INTS1: variants seen among roughly 807,000 people sequenced by gnomAD.
INTS1 encodes the protein integrator complex subunit 1.
Under a neutral mutation model 241.6 loss-of-function variants are expected in INTS1, and 137 were observed. The observed-to-expected ratio is 0.57, with a 90% CI of 0.49 to 0.65. INTS1 has a LOEUF of 0.65. Ranked by LOEUF, INTS1 falls within the 30% of genes least tolerant of loss-of-function variation. The pLI is 0.00. For synonymous variants in INTS1, 1,692 were observed against 1,337.8 expected, an observed-to-expected ratio of 1.26 and a Z score of -5.78; for missense variants, 3,073 against 3,032.2, an observed-to-expected ratio of 1.01 and a Z score of -0.32.
intron 26 of INTS1, 113 bp downstream of exon 26, chr7:1,483,629 C>A (rs998606359): frequency 2.5e-6 from 2 of 797,858 alleles, no homozygotes; most frequent in Admixed American, 3.9e-5. Flanking sequence ...GGTTGAAGGG[C>A]TGGGGGGCTT....
rs759733963 is a variant in INTS1 at position 1,498,487 on chromosome 7, G to A, written c.1350C>T (p.Leu450=). 3.1e-6 allele frequency: 5 copies of A among 1,613,848 alleles called. No homozygotes were observed. The highest frequency in any genetic ancestry group is 2.7e-5 in the African/African-American group (2 of 74,930). ...TGTTGTTCGGGTTCCGGGCGCTGGA[G>A]AGCTCATTGAAGATCACCAACTTGA... ...TTIKLVIFNE[L]SSARNPNNMQ... is the part of the protein sequence containing the mutation. Residue 450 remains leucine (L), a synonymous_variant, in exon 10 of 48, where the codon CTC becomes CTT. Transcript: ENST00000404767.
At chr7:1,498,653 C>T (rs1372148733) in intron 9 of INTS1, 54 bp downstream of exon 9, 28 of 1,533,120 alleles carry the variant, frequency 1.8e-5, no homozygotes, top group Non-Finnish European at 2.4e-5. Flanking sequence ...CCCACACCCC[C>T]ACCCACACCC....
In INTS1 at chr7:1,476,872, G is replaced by A; in HGVS notation, c.4985C>T (p.Thr1662Ile). ...CCAGCTGGACTGATGCGTGAAGAGG[G>A]TCAGGAGGTAGGGACGGAACGAGGG... ...QVPSFRPYLL[T>I]LFTHQSSWPT... The change falls in exon 36 of 48, where the codon ACC becomes ATC. Residue 1662 changes from threonine to isoleucine, a missense_variant. Physicochemically the swap from Thr to Ile is moderately conservative, Grantham distance 89 (BLOSUM62 -1). Coordinates refer to ENST00000404767, the MANE Select transcript of INTS1 (RefSeq NM_001080453.3). 6.2e-7 allele frequency: 1 copy of A among 1,612,890 alleles called. No individual in the cohort carries two copies.
rs1782768479 is a variant in INTS1, at chr7:1,494,880, G to C, written c.1846C>G (p.Leu616Val). ...TAGGTCTCCGGCTGCTCTGTGAACA[G>C]CACCTTGTGCAGGCTGGGCAGGCAG... ...KDYVHCLHKVLFTEQPETYYK... is the reference protein window; with the variant it reads ...KDYVHCLHKVVFTEQPETYYK... The change falls in exon 14 of 48, where the codon CTG (leucine) becomes GTG (valine). Residue 616 changes from leucine (L) to valine (V), a missense_variant. By Grantham distance (32) the Leu-to-Val change is conservative (BLOSUM62 1). Coordinates refer to ENST00000404767, the MANE Select transcript of INTS1 (RefSeq NM_001080453.3). The C allele has an allele frequency of 1.9e-6, 3 of 1,563,054 alleles. No homozygotes were observed. The highest frequency in any genetic ancestry group is 2.6e-6 in the Non-Finnish European group (3 of 1,154,284).
At chr7:1,479,198 C>T (rs942564900) in intron 31 of INTS1, among the ~76,000 whole-genome samples, 1 of 152,260 alleles carries the variant, frequency 6.6e-6, no homozygotes, top group African/African-American at 2.4e-5. Flanking sequence ...GCAGGAGCGC[C>T]GAGCCTGGGT....
In INTS1 at chr7:1,478,783, G is replaced by C; in HGVS notation, c.4432C>G (p.Arg1478Gly). 1.2e-6 allele frequency: 2 copies of C among 1,602,880 alleles called. No individual in the cohort carries two copies. Among genetic ancestry groups the C allele is most frequent in the Non-Finnish European group, 8.5e-7 (1 of 1,175,738 alleles). Reference protein sequence around the residue: ...DSPGVEGGPLRAQLRMLASQA... With the variant: ...DSPGVEGGPLGAQLRMLASQA... ...CTGGCAAGCATCCTGAGCTGTGCCC[G>C]CAGGGGCCCGCCCTCCACGCCAGGG... is the stretch of plus-strand genomic sequence containing the variant. Residue 1478 changes from arginine to glycine, a missense_variant, in exon 32 of 48, where the codon CGG becomes GGG. Physicochemically the swap from Arg to Gly is moderately radical, Grantham distance 125 (BLOSUM62 -2). Coordinates refer to ENST00000404767, the MANE Select transcript of INTS1 (RefSeq NM_001080453.3).
At position 1,470,827 on chromosome 7, in the gene INTS1, G is replaced by A. The variant is rs1157356764; in HGVS notation, c.6457+19C>T. 2 of 1,558,682 alleles carry A rather than the reference G, an allele frequency of 1.3e-6. No homozygotes were observed. The highest frequency in any genetic ancestry group is 2.7e-5 in the African/African-American group (2 of 73,376). On this transcript the variant is annotated intron_variant, in intron 47 of 47. Coordinates refer to ENST00000404767, the MANE Select transcript of INTS1 (RefSeq NM_001080453.3). ...TCCCCGAGGGCTGCCAGGGCCCTGG[G>A]CGGGGGGCCAGTCCTCACCTTGGCA...
In INTS1 at chr7:1,473,067, C is replaced by T. The variant is rs766858731; in HGVS notation, c.6070+5G>A. ...CTTCCAGCAGCCCCTGGCAGCCCCA[C>T]TCACCCTCGCCCTCTTCGTCCAGGC... On this transcript the variant is annotated splice_donor_5th_base_variant and intron_variant, in intron 43 of 47. Coordinates refer to ENST00000404767, the MANE Select transcript of INTS1 (RefSeq NM_001080453.3). 1.3e-6 allele frequency: 2 copies of T among 1,583,910 alleles called. No homozygotes were observed. The highest frequency in any genetic ancestry group is 1.7e-6 in the Non-Finnish European group (2 of 1,160,546).
At chr7:1,473,789 C>T (rs1178461844) in intron 41 of INTS1, 96 bp from the exon 42 acceptor site, 2 of 1,483,872 alleles carry the variant, frequency 1.3e-6, no homozygotes, top group African/African-American at 2.8e-5. Context: ...AGGGCATGGA[C>T]CCCACAGCCA....
At position 1,486,980 on chromosome 7, in the gene INTS1, G is replaced by T; in HGVS notation, c.2768C>A (p.Ala923Asp). The T allele has an allele frequency of 6.2e-7, 1 of 1,608,398 alleles. No homozygotes were observed. Residue 923 changes from alanine to aspartate, a missense_variant, in exon 21 of 48, where the codon GCT becomes GAT. By Grantham distance (126) the Ala-to-Asp change is moderately radical (BLOSUM62 -2). Coordinates refer to ENST00000404767, the MANE Select transcript of INTS1 (RefSeq NM_001080453.3). The stretch of plus-strand genomic sequence containing the variant: ...GCCCTCGTCGTCCTCCTCCCCGGAA[G>T]CAGCATCGTCCACAGCATCGTGCAG... ...FLLHDAVDDA[A>D]SGEEDDEGES...
intron 16 of INTS1, among the ~76,000 whole-genome samples, chr7:1,492,742 T>A (rs1402476590): frequency 2.0e-5 from 3 of 152,136 alleles, no homozygotes; most frequent in Non-Finnish European, 4.4e-5. Context: ...ACGGTTGGAC[T>A]CGGGCCGAGC....
intron 4 of INTS1, 39 bp from the exon 5 acceptor site, chr7:1,500,060 G>T: frequency 6.2e-7 from 1 of 1,604,588 alleles, no homozygotes. Context: ...AGCTTCGCTG[G>T]CCCCAGAGGC....
chr7:1,477,685 A>T lies in INTS1; in HGVS notation c.4815-12T>A, dbSNP rs1406810874. On this transcript the variant is annotated splice_polypyrimidine_tract_variant and intron_variant, in intron 34 of 47. Coordinates refer to ENST00000404767, the MANE Select transcript of INTS1 (RefSeq NM_001080453.3). ...GCACGGCCTCCAGGCTGCAGGGAGA[A>T]GGTGGCTCAGGGAAGGGCTGGTGCC... The T allele has an allele frequency of 9.4e-6, 15 of 1,599,300 alleles. No homozygotes were observed. Among genetic ancestry groups the T allele is most frequent in the East Asian group, 4.5e-5 (2 of 44,504 alleles).
At chr7:1,487,187 G>A in intron 20 of INTS1, 86 bp from the exon 21 acceptor site, 1 of 1,512,144 alleles carries the variant, frequency 6.6e-7, no homozygotes, top group South Asian at 1.2e-5. Flanking sequence ...GAGCCGGAAA[G>A]GGCGACACGC....
chr7:1,474,931 C>T, intron 39 of INTS1, 93 bp from the exon 40 acceptor site: 2 of 1,467,702 alleles, frequency 1.4e-6, no homozygotes, highest in Non-Finnish European at 1.8e-6. Context: ...CCGTGATCCA[C>T]CGCGTGGCAC....
intron 30 of INTS1, among the ~76,000 whole-genome samples, chr7:1,479,999 C>T (rs1029373331): frequency 1.3e-5 from 2 of 152,242 alleles, no homozygotes; most frequent in Non-Finnish European, 2.9e-5. Context: ...AGACCTCAGG[C>T]GAGACCTGCA....
chr7:1,503,884 A>C lies in INTS1; in HGVS notation c.58+19T>G. The C allele has an allele frequency of 7.8e-7, 1 of 1,287,368 alleles. No homozygotes were observed. Among genetic ancestry groups the C allele is most frequent in the Non-Finnish European group, 1.0e-6 (1 of 968,978 alleles). 79.7% of individuals were successfully genotyped at this position (1,287,368 alleles called of 1,614,324 possible). A position where few individuals can be genotyped will look rare whatever the true frequency, so the allele number is the denominator to read the frequency against. On this transcript the variant is annotated intron_variant, in intron 2 of 47. Coordinates refer to ENST00000404767, the MANE Select transcript of INTS1 (RefSeq NM_001080453.3). ...ACCCCCAAAGACCCCCGGGCTGCAG[A>C]GCGAGGAGGGAGACGCACCTGAGGG...
In INTS1 at chr7:1,483,283, G is replaced by A. The variant is rs146544374; in HGVS notation, c.3541+459C>T. ...GGAAGGCTGCGGCCGCAGAGGGCAC[G>A]GCTGGGTAGGCGCTGGGTTCCAGAC... On this transcript the variant is annotated intron_variant, in intron 26 of 47. Transcript: ENST00000404767. 7.4e-3 allele frequency: 1,854 copies of A among 251,178 alleles called. 7 individuals carry two copies. Among genetic ancestry groups the A allele is most frequent in the Non-Finnish European group, 0.011 (1,389 of 125,918 alleles). 15.6% of individuals were successfully genotyped at this position (251,178 alleles called of 1,614,324 possible). A position where few individuals can be genotyped will look rare whatever the true frequency, so the allele number is the denominator to read the frequency against.
chr7:1,500,671 C>G (rs1438819918), intron 3 of INTS1, among the ~76,000 whole-genome samples: 2 of 152,338 alleles, frequency 1.3e-5, no homozygotes, highest in Non-Finnish European at 2.9e-5. Flanking sequence ...CCACCTGCAG[C>G]TTTACTTTCC....
Sources: gnomAD v4.1 joint callset for allele counts (sites outside exome capture counted in the v4.1 genomes callset) on GRCh38, gnomAD v4.1.1 for gene constraint, MANE v1.5 for transcripts, NCBI Gene and HGNC (gene_info 2026-07-23, HGNC 2026-07-21) for gene names.